The following RIF1 variants were observed in gnomAD, a reference collection of about 807,000 sequenced individuals.
RIF1 encodes the protein telomere-associated protein RIF1.
RIF1 carries 45 observed loss-of-function variants against 247.1 expected under a neutral mutation model. That is an observed-to-expected ratio of 0.18 (90% CI 0.14 to 0.23). RIF1 has a LOEUF of 0.23. Ranked by LOEUF, RIF1 falls within the 10% of genes least tolerant of loss-of-function variation. The pLI, the probability that RIF1 is intolerant of heterozygous loss-of-function variation, is 1.00. For missense variants in RIF1, 2,967 were observed against 2,862.5 expected, an observed-to-expected ratio of 1.04 and a Z score of -0.83; for synonymous variants, 1,087 against 978.8, an observed-to-expected ratio of 1.11 and a Z score of -2.06.
intron 9 of RIF1, chr2:151,492,059 C>T (rs2152818851): frequency 1.3e-6 from 2 of 1,596,338 alleles, no homozygotes; most frequent in East Asian, 4.5e-5. Context: ...TACCCCCTCA[C>T]TTAAAGTTAA....
At chr2:151,488,953 A>G (rs530308859) in intron 9 of RIF1, among the ~76,000 whole-genome samples, 1 of 152,038 alleles carries the variant, frequency 6.6e-6, no homozygotes, top group Non-Finnish European at 1.5e-5. Flanking sequence ...GCTTTATAGT[A>G]TGTTTTGTTC....
At chr2:151,438,348 T>C (rs1163910651) in intron 13 of RIF1, among the ~76,000 whole-genome samples, 1 of 152,086 alleles carries the variant, frequency 6.6e-6, no homozygotes, top group Non-Finnish European at 1.5e-5. Flanking sequence ...TGTAGTGGTG[T>C]GTACCTATAG....
At chr2:151,490,062 T>C (rs1418948664) in intron 9 of RIF1, 2 of 1,609,716 alleles carry the variant, frequency 1.2e-6, no homozygotes, top group Admixed American at 3.4e-5. Flanking sequence ...CTCTGTGGTT[T>C]TTGCATGTTT....
chr2:151,417,582 T>C (rs938359648), intron 6 of RIF1, among the ~76,000 whole-genome samples: 1 of 152,198 alleles, frequency 6.6e-6, no homozygotes, highest in Non-Finnish European at 1.5e-5. Context: ...TGCATCTGTA[T>C]TGAACATGTA....
At chr2:151,446,723 A>C (rs1574039367) in intron 20 of RIF1, 148 bp downstream of exon 20, 1 of 824,210 alleles carries the variant, frequency 1.2e-6, no homozygotes, top group East Asian at 2.5e-5. Flanking sequence ...GCTTTGTGTA[A>C]CAGTTTTGTG....
chr2:151,507,423 C>T (rs552701643), intron 13 of RIF1, among the ~76,000 whole-genome samples: 17 of 152,246 alleles, frequency 1.1e-4, no homozygotes, highest in Non-Finnish European at 2.2e-4. Context: ...CTGTTTTTTC[C>T]TGAAGCAGAT....
At position 151,503,419 on chromosome 2, in the gene RIF1, C is replaced by G. The variant is rs1253296856; in HGVS notation, c.*861+234C>G. 1.5e-5 allele frequency: 24 copies of G among 1,611,242 alleles called. No homozygotes were observed. The highest frequency in any genetic ancestry group is 2.0e-5 in the Non-Finnish European group (24 of 1,177,786). On this transcript the variant is annotated intron_variant and NMD_transcript_variant, in intron 12 of 13. Coordinates refer to the RIF1 transcript ENST00000454583. Reference sequence around the variant, plus strand: ...AGTCACAGTGGTTGGAATGCCTGTTCCCAAGTTTTCTTTGTACATAACCTG... The same window carrying G: ...AGTCACAGTGGTTGGAATGCCTGTTGCCAAGTTTTCTTTGTACATAACCTG...
At chr2:151,470,197 A>C (rs1413187305) in intron 34 of RIF1, among the ~76,000 whole-genome samples, 1 of 134,614 alleles carries the variant, frequency 7.4e-6, no homozygotes, top group Non-Finnish European at 1.8e-5. Context: ...TTTGTGACTT[A>C]TTTTTCTTAT....
chr2:151,523,453 C>A, the RIF1 span, among the ~76,000 whole-genome samples: 1 of 152,172 alleles, frequency 6.6e-6, no homozygotes, highest in African/African-American at 2.4e-5. Flanking sequence ...TATCCCAAAC[C>A]TATTTCTTCA....
In RIF1 at chr2:151,435,533, A is replaced by C; in HGVS notation, c.1148A>C (p.His383Pro). ...GCCTCACCTCAGGGCAATTCGTGTC[A>C]TGTAGCTACATCTCCAGGTTTAAAT... ...SNASPQGNSC[H>P]VATSPGLNPM... Residue 383 changes from histidine to proline, a missense_variant, in exon 11 of 36, where the codon CAT becomes CCT. His to Pro is a moderately conservative substitution (Grantham distance 77). Coordinates refer to ENST00000444746, the MANE Select transcript of RIF1 (RefSeq NM_018151.5). 6.2e-7 allele frequency: 1 copy of C among 1,611,544 alleles called. No homozygotes were observed. The highest frequency in any genetic ancestry group is 8.5e-7 in the Non-Finnish European group (1 of 1,177,768).
intron 21 of RIF1, among the ~76,000 whole-genome samples, chr2:151,452,603 G>A (rs1030831838): frequency 2.6e-5 from 4 of 152,194 alleles, no homozygotes; most frequent in Non-Finnish European, 5.9e-5. Flanking sequence ...CCTGAGTGCC[G>A]TGGAAATATA....
At chr2:151,449,865 C>T (rs1199890386) in intron 20 of RIF1, among the ~76,000 whole-genome samples, 3 of 147,684 alleles carry the variant, frequency 2.0e-5, no homozygotes, top group Non-Finnish European at 3.0e-5. Context: ...TTTTTGAGAC[C>T]GAGTTTCACT....
At chr2:151,512,693 G>T (rs752039321), downstream of RIF1, 4 of 1,360,366 alleles carry the variant, frequency 2.9e-6, no homozygotes, top group Admixed American at 1.7e-5. Context: ...ATTCTTTCAT[G>T]ATTGGGGTTT....
At chr2:151,491,695 G>GT in intron 9 of RIF1, 1 of 1,592,776 alleles carries the variant, frequency 6.3e-7, no homozygotes, top group Non-Finnish European at 8.6e-7. Flanking sequence ...TTAATCATGT[G>GT]TAAGCTTCGG....
intron 21 of RIF1, among the ~76,000 whole-genome samples, chr2:151,453,866 A>G (rs958575539): frequency 2.6e-5 from 4 of 152,144 alleles, no homozygotes; most frequent in African/African-American, 9.7e-5. Flanking sequence ...TTCATTTACC[A>G]TCTAATATCA....
At chr2:151,499,277 G>A in intron 10 of RIF1, 3 of 1,220,290 alleles carry the variant, frequency 2.5e-6, no homozygotes, top group Non-Finnish European at 3.5e-6. Context: ...ATAATTAAAG[G>A]GATTTTTTAT....
At chr2:151,494,504 G>T (rs2058769494) in intron 9 of RIF1, among the ~76,000 whole-genome samples, 1 of 152,230 alleles carries the variant, frequency 6.6e-6, no homozygotes, top group African/African-American at 2.4e-5. Flanking sequence ...AAAAGGATGA[G>T]AAACCACCAT....
chr2:151,466,269 G>A, intron 30 of RIF1, 149 bp downstream of exon 30: 1 of 586,388 alleles, frequency 1.7e-6, no homozygotes, highest in East Asian at 2.8e-5. Context: ...GAAAAGGTAG[G>A]TAGAAGAAAA....
At chr2:151,472,920 T>C (rs925235513) in intron 34 of RIF1, among the ~76,000 whole-genome samples, 2 of 152,212 alleles carry the variant, frequency 1.3e-5, no homozygotes, top group African/African-American at 2.4e-5. Flanking sequence ...CTTTTTCTAT[T>C]GATTGGAATA....
Sources: allele counts gnomAD v4.1 joint callset (sites outside exome capture counted in the v4.1 genomes callset), GRCh38; gene constraint gnomAD v4.1.1; transcripts MANE v1.5; gene names NCBI Gene and HGNC (gene_info 2026-07-23, HGNC 2026-07-21).